C7orf57: variants seen among roughly 807,000 people sequenced by gnomAD.
The protein encoded by C7orf57 is chromosome 7 open reading frame 57.
Under a neutral mutation model 39.0 loss-of-function variants are expected in C7orf57, and 33 were observed. The observed-to-expected ratio is 0.85, with a 90% CI of 0.64 to 1.13. The LOEUF (loss-of-function observed/expected upper bound fraction) is 1.13. Ranked by LOEUF, C7orf57 falls within the 50% of genes most tolerant of loss-of-function variation. The pLI is 0.00. For missense variants in C7orf57, 346 were observed against 362.3 expected, an observed-to-expected ratio of 0.95 and a Z score of 0.37; for synonymous variants, 124 against 137.1, an observed-to-expected ratio of 0.90 and a Z score of 0.67.
chr7:48,040,351 T>C (rs1480247649), intron 2 of C7orf57, among the ~76,000 whole-genome samples: 1 of 151,392 alleles, frequency 6.6e-6, no homozygotes, highest in Non-Finnish European at 1.5e-5. Flanking sequence ...TGGGACCTTT[T>C]TCAATAGAAA....
intron 5 of C7orf57, 66 bp downstream of exon 5, chr7:48,046,682 G>C: frequency 1.3e-6 from 2 of 1,519,300 alleles, no homozygotes; most frequent in South Asian, 1.2e-5. Flanking sequence ...GAGTAATTAA[G>C]TGCTGTGATG....
chr7:48,041,267 T>TACCTCTA, intron 2 of C7orf57, 67 bp from the exon 3 acceptor site: 1 of 1,431,710 alleles, frequency 7.0e-7, no homozygotes, highest in Non-Finnish European at 9.5e-7. Flanking sequence ...AGAGATACTC[T>TACCTCTA]GGTAGAGGCC....
At chr7:48,041,866 C>T (rs1790560742) in intron 3 of C7orf57, among the ~76,000 whole-genome samples, 1 of 152,210 alleles carries the variant, frequency 6.6e-6, no homozygotes, top group South Asian at 2.1e-4. Flanking sequence ...TCTTTGCATG[C>T]TACCAATTCT....
Position 48,036,191 on chromosome 7 carries a change from G to A in C7orf57, c.-101-17G>A. 9.0e-7 allele frequency: 1 copy of A among 1,111,952 alleles called. No homozygotes were observed. Among genetic ancestry groups the A allele is most frequent in the Non-Finnish European group, 1.3e-6 (1 of 747,086 alleles). The allele number at this position is 1,111,952 out of a possible 1,614,324, so 68.9% of individuals were successfully genotyped here. ...ACAGACCGACCCAGAGCGGGCGCGCGGATTTTGCTTTTGCAGCTGCAGCTC... is the reference window on the plus strand; with the variant it reads ...ACAGACCGACCCAGAGCGGGCGCGCAGATTTTGCTTTTGCAGCTGCAGCTC... On this transcript the variant is annotated splice_polypyrimidine_tract_variant and intron_variant, in intron 1 of 8. Coordinates refer to ENST00000348904, the MANE Select transcript of C7orf57 (RefSeq NM_001100159.3).
intron 3 of C7orf57, among the ~76,000 whole-genome samples, chr7:48,042,485 C>T (rs913720153): frequency 2.0e-5 from 3 of 152,014 alleles, no homozygotes; most frequent in Non-Finnish European, 4.4e-5. Context: ...GTGTCTGCAA[C>T]GCGCTGCCCA....
intron 2 of C7orf57, among the ~76,000 whole-genome samples, chr7:48,039,424 C>T (rs778274910): frequency 2.0e-5 from 3 of 151,780 alleles, no homozygotes; most frequent in Non-Finnish European, 4.4e-5. Flanking sequence ...CTTTCCTTCC[C>T]ATTATGGCCT....
intron 2 of C7orf57, among the ~76,000 whole-genome samples, chr7:48,041,037 G>A (rs1562622996): frequency 6.6e-6 from 1 of 152,106 alleles, no homozygotes; most frequent in East Asian, 1.9e-4. Context: ...ACATCATGGG[G>A]CTTGGGTACC....
Position 48,035,724 on chromosome 7 carries a change from C to T in C7orf57, c.-102+94C>T, listed in dbSNP as rs1790332343. On this transcript the variant is annotated intron_variant, in intron 1 of 8. Coordinates refer to ENST00000348904, the MANE Select transcript of C7orf57 (RefSeq NM_001100159.3). This position sits in a 1 kb window ranked among gnomAD's most constrained non-coding sequence, Gnocchi z 4.0. Reference sequence around the variant, plus strand: ...AGCTCGCAGTGCGGGCAGTGCGCGCCGGGGCTGGAGGGAGGGGACCACCTT... The same window carrying T: ...AGCTCGCAGTGCGGGCAGTGCGCGCTGGGGCTGGAGGGAGGGGACCACCTT... 5.1e-6 allele frequency: 3 copies of T among 586,892 alleles called. No individual in the cohort carries two copies. The highest frequency in any genetic ancestry group is 9.1e-6 in the Non-Finnish European group (3 of 330,226). The allele number at this position is 586,892 out of a possible 1,614,324, so 36.4% of individuals were successfully genotyped here.
At chr7:48,039,301 C>T (rs1200455037) in intron 2 of C7orf57, among the ~76,000 whole-genome samples, 1 of 152,218 alleles carries the variant, frequency 6.6e-6, no homozygotes, top group East Asian at 1.9e-4. Flanking sequence ...AATTTGGTCT[C>T]TGACTGCCAC....
At chr7:48,043,349 G>T (rs564335854) in intron 3 of C7orf57, 132 bp from the exon 4 acceptor site, 1 of 667,404 alleles carries the variant, frequency 1.5e-6, no homozygotes, top group South Asian at 1.8e-5. Flanking sequence ...TGCTCTGTTA[G>T]TCCCTGGATC....
chr7:48,038,277 T>C (rs1790442952), intron 2 of C7orf57, among the ~76,000 whole-genome samples: 1 of 152,212 alleles, frequency 6.6e-6, no homozygotes, highest in South Asian at 2.1e-4. Flanking sequence ...TGTGCTTACA[T>C]AAATCAATTT....
Position 48,035,614 on chromosome 7 carries a change from A to G in C7orf57, c.-118A>G. The G allele has an allele frequency of 1.4e-6, 1 of 690,410 alleles. No homozygotes were observed. 42.8% of individuals were successfully genotyped at this position (690,410 alleles called of 1,614,324 possible). A position where few individuals can be genotyped will look rare whatever the true frequency, so the allele number is the denominator to read the frequency against. ...CGGGCGCCGCGGGCAGCACCCACGGAGACCCGCGGGGAGCTGGTGAGCCTG... is the reference window on the plus strand; with the variant it reads ...CGGGCGCCGCGGGCAGCACCCACGGGGACCCGCGGGGAGCTGGTGAGCCTG... On this transcript the variant is annotated 5_prime_UTR_variant, in exon 1 of 9. Coordinates refer to ENST00000348904, the MANE Select transcript of C7orf57 (RefSeq NM_001100159.3). This position sits in a 1 kb window ranked among gnomAD's most constrained non-coding sequence, Gnocchi z 4.0.
intron 8 of C7orf57, 100 bp from the exon 9 acceptor site, chr7:48,060,126 T>C (rs2128800815): frequency 1.4e-6 from 1 of 693,368 alleles, no homozygotes; most frequent in Non-Finnish European, 2.3e-6. Flanking sequence ...TCCTTATTAA[T>C]AGGTACAAAA....
chr7:48,054,412 CAAAAA>C (rs35256733), intron 7 of C7orf57, among the ~76,000 whole-genome samples, 178 bp from the exon 8 acceptor site: 2 of 86,550 alleles, frequency 2.3e-5, no homozygotes, highest in African/African-American at 4.4e-5. Context: ...GAAACTCTCT[CAAAAA>C]AAAAAAAAAA....
At position 48,049,893 on chromosome 7, in the gene C7orf57, C is replaced by G; in HGVS notation, c.521C>G (p.Ala174Gly). The change falls in exon 6 of 9, where the codon GCC (alanine) becomes GGC (glycine). Residue 174 changes from alanine (A) to glycine (G), a missense_variant. Ala to Gly is a moderately conservative substitution (Grantham distance 60, BLOSUM62 0). Transcript: ENST00000348904. ...TTCCTCACACAGCTGAGGCTACCGG[C>G]CATTGACTCAAAGTATCTGAGCAAA... ...EKEKKKLRLP[A>G]IDSKYLSKAG... 6.2e-7 allele frequency: 1 copy of G among 1,613,652 alleles called. No homozygotes were observed. The highest frequency in any genetic ancestry group is 8.5e-7 in the Non-Finnish European group (1 of 1,179,666).
At chr7:48,040,822 G>T (rs1269449890) in intron 2 of C7orf57, among the ~76,000 whole-genome samples, 1 of 152,168 alleles carries the variant, frequency 6.6e-6, no homozygotes, top group Non-Finnish European at 1.5e-5. Flanking sequence ...GTTCAAACAG[G>T]CTGTTATTTC....
At chr7:48,045,949 G>A (rs1790700913) in intron 4 of C7orf57, among the ~76,000 whole-genome samples, 1 of 152,012 alleles carries the variant, frequency 6.6e-6, no homozygotes, top group Non-Finnish European at 1.5e-5. Context: ...AATGTTTAGG[G>A]GTGTTTAGCT....
Position 48,060,794 on chromosome 7 carries a change from T to G in C7orf57, c.*522T>G, listed in dbSNP as rs943220233. The G allele has an allele frequency of 6.6e-6, 1 of 152,208 alleles. No homozygotes were observed. Among genetic ancestry groups the G allele is most frequent in the Non-Finnish European group, 1.5e-5 (1 of 68,026 alleles). 9.4% of individuals were successfully genotyped at this position (152,208 alleles called of 1,614,324 possible). On this transcript the variant is annotated 3_prime_UTR_variant, in exon 9 of 9. Coordinates refer to ENST00000348904, the MANE Select transcript of C7orf57 (RefSeq NM_001100159.3). ...TTTATAAACATTTAATATAAAACAT[T>G]ATAACATTTGCTGTTTTAAAATTTT... is the stretch of plus-strand genomic sequence containing the variant.
At chr7:48,039,435 G>T (rs1790480078) in intron 2 of C7orf57, among the ~76,000 whole-genome samples, 1 of 151,910 alleles carries the variant, frequency 6.6e-6, no homozygotes, top group Admixed American at 6.6e-5. Context: ...ATTATGGCCT[G>T]AACTAATTTT....
Sources: gnomAD v4.1 joint callset for allele counts (sites outside exome capture counted in the v4.1 genomes callset) on GRCh38, gnomAD v4.1.1 for gene constraint, Gnocchi (gnomAD v3.1) non-coding constraint, MANE v1.5 for transcripts, NCBI Gene and HGNC (gene_info 2026-07-23, HGNC 2026-07-21) for gene names.